PTPRT: variants seen among roughly 807,000 people sequenced by gnomAD.
The protein encoded by PTPRT is protein tyrosine phosphatase receptor type T.
PTPRT carries 56 observed loss-of-function variants against 176.8 expected under a neutral mutation model. The observed-to-expected ratio is 0.32, with a 90% CI of 0.26 to 0.40. The LOEUF is 0.40. Among genes scored for constraint, PTPRT ranks in the 10% least tolerant of loss-of-function variants. The pLI is 1.00. For synonymous variants in PTPRT, 783 were observed against 739.0 expected, an observed-to-expected ratio of 1.06 and a Z score of -0.96; for missense variants, 1,540 against 1,908.2, an observed-to-expected ratio of 0.81 and a Z score of 3.60.
chr20:42,324,990 A>C (rs1162629543), intron 11 of PTPRT, among the ~76,000 whole-genome samples: 1 of 152,192 alleles, frequency 6.6e-6, no homozygotes, highest in Non-Finnish European at 1.5e-5. Context: ...ACATTTATTC[A>C]TCAGACATTT....
chr20:42,203,414 T>C (rs1425751488), intron 15 of PTPRT, among the ~76,000 whole-genome samples: 1 of 152,182 alleles, frequency 6.6e-6, no homozygotes, highest in Admixed American at 6.5e-5. Flanking sequence ...TCAGTCTTAT[T>C]CTCTGCACAT....
intron 2 of PTPRT, among the ~76,000 whole-genome samples, chr20:42,850,450 G>T (rs2078448678): frequency 6.6e-6 from 1 of 152,202 alleles, no homozygotes; most frequent in African/African-American, 2.4e-5. Context: ...ACATGAGATG[G>T]ACTGTGGCTC....
chr20:42,448,078 C>G lies in PTPRT; in HGVS notation c.1560+142G>C, dbSNP rs6016799. On this transcript the variant is annotated intron_variant, in intron 9 of 30. Transcript: ENST00000373187. ...CCACTGTGTGCCATTATGTTTGCAC[C>G]CCATTGTACTGTCAGAAACCTTTTG... The G allele has an allele frequency of 1.6e-3, 1,122 of 684,272 alleles. 9 individuals are homozygous for G. In the African/African-American group the frequency reaches 0.017, roughly 10 times the overall value. 42.4% of individuals were successfully genotyped at this position (684,272 alleles called of 1,614,324 possible).
At chr20:42,831,178 G>C (rs775802236) in intron 2 of PTPRT, among the ~76,000 whole-genome samples, 8 of 152,134 alleles carry the variant, frequency 5.3e-5, no homozygotes, top group Non-Finnish European at 1.2e-4. Context: ...TACCAAAACA[G>C]ATCTATAGAC....
intron 1 of PTPRT, among the ~76,000 whole-genome samples, chr20:43,188,874 C>G (rs892617408): frequency 6.6e-6 from 1 of 152,084 alleles, no homozygotes; most frequent in African/African-American, 2.4e-5. Flanking sequence ...GCACCACCCC[C>G]CCGCCCCCGC....
chr20:42,841,656 CACAT>C (rs1458999846), intron 2 of PTPRT, among the ~76,000 whole-genome samples: 3 of 145,514 alleles, frequency 2.1e-5, no homozygotes, highest in East Asian at 4.1e-4. Flanking sequence ...CACACACACA[CACAT>C]AATCTCTCTC....
chr20:42,939,722 A>G (rs1980424428), intron 1 of PTPRT, among the ~76,000 whole-genome samples: 1 of 152,202 alleles, frequency 6.6e-6, no homozygotes, highest in South Asian at 2.1e-4. Flanking sequence ...TTAGTAAGAA[A>G]AAAAGACACT....
chr20:42,149,823 C>T (rs1239805364), intron 17 of PTPRT, among the ~76,000 whole-genome samples: 1 of 152,132 alleles, frequency 6.6e-6, no homozygotes, highest in Non-Finnish European at 1.5e-5. Context: ...TGATGATATG[C>T]TTTATAGATT....
intron 1 of PTPRT, among the ~76,000 whole-genome samples, chr20:43,061,601 T>TGGTGG (rs1228916354): frequency 6.6e-6 from 1 of 152,236 alleles, no homozygotes; most frequent in Admixed American, 6.5e-5. Context: ...GCCTGTGGTT[T>TGGTGG]GGTGCATAGT....
chr20:42,200,323 A>G (rs760578308), intron 15 of PTPRT, among the ~76,000 whole-genome samples: 15 of 152,242 alleles, frequency 9.9e-5, no homozygotes, highest in Non-Finnish European at 1.8e-4. Context: ...CCAACCTTAT[A>G]GGGTTGTGAG....
intron 14 of PTPRT, among the ~76,000 whole-genome samples, chr20:42,238,381 T>G (rs2056286255): frequency 6.6e-6 from 1 of 152,130 alleles, no homozygotes; most frequent in South Asian, 2.1e-4. Context: ...TATCCTGGAC[T>G]GAAAGAACAG....
chr20:42,573,503 G>T (rs1481559849), intron 7 of PTPRT, among the ~76,000 whole-genome samples: 1 of 152,192 alleles, frequency 6.6e-6, no homozygotes, highest in Non-Finnish European at 1.5e-5. Flanking sequence ...GGCATCTGTT[G>T]GTCTCAGACT....
intron 2 of PTPRT, among the ~76,000 whole-genome samples, chr20:42,796,975 T>C (rs2077463697): frequency 6.6e-6 from 1 of 152,246 alleles, no homozygotes; most frequent in African/African-American, 2.4e-5. Context: ...TGAGGATTAA[T>C]ACAACTACTA....
At chr20:42,887,967 A>G (rs2079129275) in intron 1 of PTPRT, among the ~76,000 whole-genome samples, 1 of 152,296 alleles carries the variant, frequency 6.6e-6, no homozygotes, top group Non-Finnish European at 1.5e-5. Flanking sequence ...CCCTTCTGCC[A>G]TGTGCGGACT....
intron 18 of PTPRT, among the ~76,000 whole-genome samples, chr20:42,141,598 C>T (rs929533435): frequency 1.3e-5 from 2 of 152,178 alleles, no homozygotes; most frequent in African/African-American, 4.8e-5. Flanking sequence ...TGGGCTTCTT[C>T]CCCGACCTGA....
chr20:42,658,882 A>G (rs539911695), intron 7 of PTPRT, among the ~76,000 whole-genome samples: 1 of 152,260 alleles, frequency 6.6e-6, no homozygotes, highest in South Asian at 2.1e-4. Context: ...TTCATTATAC[A>G]TTGTTTTAAA....
At chr20:42,274,925 A>T (rs1245803527) in intron 13 of PTPRT, among the ~76,000 whole-genome samples, 3 of 152,190 alleles carry the variant, frequency 2.0e-5, no homozygotes, top group African/African-American at 7.2e-5. Context: ...GTTAACAAAT[A>T]GGTAGGAGAC....
chr20:42,499,241 C>T (rs755422279), intron 7 of PTPRT, among the ~76,000 whole-genome samples: 8 of 151,328 alleles, frequency 5.3e-5, no homozygotes, highest in African/African-American at 1.5e-4. Context: ...ACATTTCTCT[C>T]GACTGCAAAT....
intron 7 of PTPRT, among the ~76,000 whole-genome samples, chr20:42,514,679 T>C (rs1277502210): frequency 6.6e-6 from 1 of 152,342 alleles, no homozygotes; most frequent in East Asian, 1.9e-4. Context: ...ATTCTGTCTA[T>C]ATTTTTCTCT....
Sources: gnomAD v4.1 joint callset for allele counts (sites outside exome capture counted in the v4.1 genomes callset) on GRCh38, gnomAD v4.1.1 for gene constraint, MANE v1.5 for transcripts, NCBI Gene and HGNC (gene_info 2026-07-23, HGNC 2026-07-21) for gene names.